Variants in ENOX1 observed in about 807,000 individuals in gnomAD.
ENOX1 encodes the protein candidate growth-related and time keeping constitutive hydroquinone (NADH) oxidase.
ENOX1 carries 42 observed loss-of-function variants against 82.5 expected under a neutral mutation model. That is an observed-to-expected ratio of 0.51 (90% CI 0.40 to 0.66). ENOX1 has a LOEUF of 0.66. ENOX1 is among the 30% of genes least tolerant of loss of function. ENOX1 has a pLI of 0.00. For synonymous variants in ENOX1, 271 were observed against 282.2 expected (o/e 0.96, Z 0.40); for missense variants, 608 against 811.6 (o/e 0.75, Z 3.05).
chr13:43,223,933 G>C, intron 16 of ENOX1, 120 bp downstream of exon 16: 6 of 666,354 alleles, frequency 9.0e-6, no homozygotes, highest in Non-Finnish European at 1.6e-5. Flanking sequence ...AAAAGAGAAG[G>C]GCTGATCAAC....
chr13:43,236,630 C>T lies in ENOX1; in HGVS notation c.1714+6G>A. ...AGAACAGATGAAGAAAACAGAATTT[C>T]CTTACCTATTAGCAGAGCTTCTTTC... On this transcript the variant is annotated splice_donor_region_variant and intron_variant, in intron 15 of 16. Coordinates refer to ENST00000690772, the MANE Select transcript of ENOX1 (RefSeq NM_001347969.2). 4 of 1,529,484 alleles carry T rather than the reference C, an allele frequency of 2.6e-6. No homozygotes were observed. Among genetic ancestry groups the T allele is most frequent in the Non-Finnish European group, 3.5e-6 (4 of 1,134,474 alleles). The allele number at this position is 1,529,484 out of a possible 1,614,324, so 94.7% of individuals were successfully genotyped here. A position where few individuals can be genotyped will look rare whatever the true frequency, so the allele number is the denominator to read the frequency against.
At chr13:43,573,382 T>TA (rs1166061282) in intron 2 of ENOX1, among the ~76,000 whole-genome samples, 1 of 152,194 alleles carries the variant, frequency 6.6e-6, no homozygotes, top group Non-Finnish European at 1.5e-5. Context: ...CATGCCTCAA[T>TA]ATTAAGAGAG....
At chr13:43,705,720 A>T (rs917656780) in intron 1 of ENOX1, among the ~76,000 whole-genome samples, 1 of 152,116 alleles carries the variant, frequency 6.6e-6, no homozygotes, top group Non-Finnish European at 1.5e-5. Flanking sequence ...ACATAGTTGG[A>T]GATTTTTAAC....
intron 3 of ENOX1, among the ~76,000 whole-genome samples, chr13:43,472,168 T>G (rs1265179156): frequency 1.3e-5 from 2 of 152,134 alleles, no homozygotes; most frequent in Non-Finnish European, 2.9e-5. Flanking sequence ...GGACTATACT[T>G]GCCAATATAT....
intron 7 of ENOX1, among the ~76,000 whole-genome samples, chr13:43,356,612 TATG>T (rs765205673): frequency 2.6e-5 from 4 of 152,186 alleles, no homozygotes; most frequent in African/African-American, 4.8e-5. Flanking sequence ...AAAGAGCATC[TATG>T]ATATTTAAAA....
chr13:43,232,083 G>T (rs1032630295), intron 15 of ENOX1, among the ~76,000 whole-genome samples: 9 of 141,038 alleles, frequency 6.4e-5, no homozygotes, highest in Non-Finnish European at 1.2e-4. Flanking sequence ...ATGCCACCAT[G>T]CCCAGCTAAC....
At chr13:43,237,707 A>G (rs1383733754) in intron 14 of ENOX1, among the ~76,000 whole-genome samples, 1 of 152,244 alleles carries the variant, frequency 6.6e-6, no homozygotes, top group East Asian at 1.9e-4. Context: ...ATATTTAGAT[A>G]GTTAGTACAA....
At chr13:43,598,516 T>A (rs746819962) in intron 2 of ENOX1, among the ~76,000 whole-genome samples, 8 of 152,316 alleles carry the variant, frequency 5.3e-5, no homozygotes, top group East Asian at 1.9e-4. Context: ...CTACTCCATC[T>A]GTTCCTAACG....
chr13:43,785,775 G>A (rs1952545770), intron 1 of ENOX1, among the ~76,000 whole-genome samples: 1 of 152,138 alleles, frequency 6.6e-6, no homozygotes, highest in African/African-American at 2.4e-5. Context: ...TCCGAAAGAG[G>A]GCGGGGTTAC....
intron 12 of ENOX1, among the ~76,000 whole-genome samples, chr13:43,284,579 A>G (rs1364385967): frequency 6.6e-6 from 1 of 152,216 alleles, no homozygotes; most frequent in Non-Finnish European, 1.5e-5. Flanking sequence ...CAGCAGGATG[A>G]ATTAAGAGAA....
chr13:43,289,324 T>TA (rs1318596106), intron 12 of ENOX1, among the ~76,000 whole-genome samples: 1 of 151,920 alleles, frequency 6.6e-6, no homozygotes, highest in Non-Finnish European at 1.5e-5. Context: ...AACTATATAC[T>TA]AAAAAACCAC....
At chr13:43,541,171 C>CTGTTTTTTTTTTTTTTTT (rs2078695365) in intron 2 of ENOX1, among the ~76,000 whole-genome samples, 4 of 38,750 alleles carry the variant, frequency 1.0e-4, no homozygotes, top group African/African-American at 2.6e-4. Context: ...CTTCTTCCCT[C>CTGTTTTTTTTTTTTTTTT]TGTTTTTTTT....
At chr13:43,736,896 C>A (rs2089659178) in intron 1 of ENOX1, among the ~76,000 whole-genome samples, 1 of 152,154 alleles carries the variant, frequency 6.6e-6, no homozygotes, top group Admixed American at 6.5e-5. Context: ...GCAAACTTCT[C>A]CCCCATCTCT....
intron 14 of ENOX1, among the ~76,000 whole-genome samples, chr13:43,241,418 GTGAGGAAGGTTACTA>G (rs1204768344): frequency 6.6e-6 from 1 of 152,200 alleles, no homozygotes; most frequent in Non-Finnish European, 1.5e-5. Context: ...GGAGTGGGAG[GTGAGGAAGGTTACTA>G]TGTATGAATT....
At chr13:43,649,076 T>C (rs777273869) in intron 2 of ENOX1, among the ~76,000 whole-genome samples, 2 of 152,168 alleles carry the variant, frequency 1.3e-5, no homozygotes, top group South Asian at 4.2e-4. Context: ...AAGTGTCATA[T>C]CATGTAGGAA....
chr13:43,441,533 G>A lies in ENOX1; in HGVS notation c.-74-28545C>T, dbSNP rs191340362. 4.6e-5 allele frequency among the ~76,000 whole-genome samples: 7 copies of A among 152,140 alleles called. No individual in the cohort carries two copies. The East Asian group carries it at 1.4e-3, about 29-fold the overall frequency. ...TTCTAAAACACATTCATTAACCCAG[G>A]GCTACTACTAGATGCTCTAGGCTAG... On this transcript the variant is annotated intron_variant, in intron 3 of 16. Coordinates refer to ENST00000690772, the MANE Select transcript of ENOX1 (RefSeq NM_001347969.2).
chr13:43,592,603 A>G (rs1167861616), intron 2 of ENOX1, among the ~76,000 whole-genome samples: 3 of 152,236 alleles, frequency 2.0e-5, no homozygotes, highest in African/African-American at 7.2e-5. Context: ...ATCAGAATGC[A>G]AAACTTATTG....
intron 2 of ENOX1, among the ~76,000 whole-genome samples, chr13:43,525,561 G>A (rs760565413): frequency 2.0e-5 from 3 of 151,960 alleles, no homozygotes; most frequent in Non-Finnish European, 2.9e-5. Flanking sequence ...CTGTCCTACC[G>A]TTTCCCACAG....
chr13:43,379,131 A>C (rs1008794592), intron 5 of ENOX1, among the ~76,000 whole-genome samples: 30 of 152,186 alleles, frequency 2.0e-4, no homozygotes, highest in African/African-American at 7.2e-4. Context: ...AAAGAAATGC[A>C]GCCCCGATGA....
Sources: allele counts gnomAD v4.1 joint callset (sites outside exome capture counted in the v4.1 genomes callset), GRCh38; gene constraint gnomAD v4.1.1; transcripts MANE v1.5; gene names NCBI Gene and HGNC (gene_info 2026-07-23, HGNC 2026-07-21).